The following CLPB variants were observed in gnomAD, a reference collection of about 807,000 sequenced individuals.
CLPB encodes mitochondrial disaggregase.
Under a neutral mutation model 78.4 loss-of-function variants are expected in CLPB, and 40 were observed. The ratio of observed to expected loss-of-function variants is 0.51; its 90% CI spans 0.40 to 0.66. CLPB has a LOEUF of 0.66. CLPB is among the 30% of genes least tolerant of loss of function. The probability of loss-of-function intolerance (pLI) is 0.00; values close to 1 mark genes in which losing one functional copy is unlikely to be tolerated. For synonymous variants in CLPB, 333 were observed against 348.0 expected (o/e 0.96, Z 0.48); for missense variants, 780 against 886.9 (o/e 0.88, Z 1.53).
At position 72,404,377 on chromosome 11, in the gene CLPB, G is replaced by C. The variant is rs191024238; in HGVS notation, c.456-1325C>G. ...GGGTTTGAATCCTAGCACCATTCTT[G>C]TGCCACGATCTATAGTAAATGTCCC... is the stretch of plus-strand genomic sequence containing the variant. On this transcript the variant is annotated intron_variant, in intron 2 of 15. Transcript: ENST00000538039. Among the ~76,000 whole-genome samples the C allele has an allele frequency of 1.8e-4, 28 of 152,316 alleles. 1 individual carries two copies. The highest frequency in any genetic ancestry group is 1.4e-3 in the Admixed American group (21 of 15,314).
At chr11:72,420,686 T>C (rs1448874352) in intron 2 of CLPB, among the ~76,000 whole-genome samples, 1 of 152,158 alleles carries the variant, frequency 6.6e-6, no homozygotes, top group Non-Finnish European at 1.5e-5. Context: ...CAGGGTGCTA[T>C]GGGAATCCAC....
intron 3 of CLPB, among the ~76,000 whole-genome samples, chr11:72,386,203 T>G (rs1402799787): frequency 1.3e-5 from 2 of 152,188 alleles, no homozygotes. Flanking sequence ...CACACTGCTC[T>G]TTCAATTTGC....
intron 5 of CLPB, among the ~76,000 whole-genome samples, chr11:72,337,487 G>A (rs1950343057): frequency 6.6e-6 from 1 of 152,150 alleles, no homozygotes; most frequent in African/African-American, 2.4e-5. Flanking sequence ...CATTTTTTGG[G>A]TATAATGCCT....
At chr11:72,433,978 A>T in intron 1 of CLPB, 94 bp downstream of exon 1, 2 of 1,455,798 alleles carry the variant, frequency 1.4e-6, no homozygotes, top group Non-Finnish European at 9.3e-7. Context: ...GGCTCTAAGG[A>T]TCTAAACCTA....
intron 13 of CLPB, 39 bp from the exon 14 acceptor site, chr11:72,294,483 C>G: frequency 6.2e-7 from 1 of 1,613,250 alleles, no homozygotes; most frequent in African/African-American, 1.3e-5. Flanking sequence ...GCTCAGTGAC[C>G]CAGAGCGGGT....
intron 5 of CLPB, among the ~76,000 whole-genome samples, chr11:72,346,748 T>A (rs1447635117): frequency 6.6e-6 from 1 of 151,766 alleles, no homozygotes; most frequent in South Asian, 2.1e-4. Context: ...GAGGTTGAGA[T>A]GGGTGGATCA....
chr11:72,368,904 T>C lies in CLPB; in HGVS notation c.647-9896A>G, dbSNP rs541052816. On this transcript the variant is annotated intron_variant, in intron 4 of 15. Transcript: ENST00000538039. ...GGACTGGAAGTTTTCTCCTTAGGAA[T>C]AGGACCTCACCTCATTATCACCCCA... Among the ~76,000 whole-genome samples the C allele has an allele frequency of 6.0e-4, 91 of 152,306 alleles. 1 individual carries two copies. In the South Asian group the frequency reaches 0.018, roughly 29 times the overall value.
intron 2 of CLPB, among the ~76,000 whole-genome samples, chr11:72,422,003 C>G (rs1222994232): frequency 6.6e-6 from 1 of 151,092 alleles, no homozygotes; most frequent in Non-Finnish European, 1.5e-5. Context: ...CGTGGTGGCT[C>G]ACGCCTGTAA....
chr11:72,317,378 A>G (rs1590786696), intron 6 of CLPB, among the ~76,000 whole-genome samples, 158 bp from the exon 7 acceptor site: 1 of 151,652 alleles, frequency 6.6e-6, no homozygotes, highest in Non-Finnish European at 1.5e-5. Flanking sequence ...AGCCCTTTCC[A>G]CTCTCCACTC....
In CLPB at chr11:72,434,239, T is replaced by A. The variant is rs1856644038; in HGVS notation, c.236A>T (p.Asp79Val). Residue 79 changes from aspartate to valine, a missense_variant, in exon 1 of 16, where the codon GAT becomes GTT. Coordinates refer to ENST00000538039, the MANE Select transcript of CLPB (RefSeq NM_001258392.3). ...ATGGRQGGRFDTKCLAAATWG... is the reference protein window; with the variant it reads ...ATGGRQGGRFVTKCLAAATWG... Reference sequence around the variant, plus strand: ...AGTGGCAGCCGCGAGGCATTTGGTATCGAAGCGTCCTCCCTGGCGCCCCCC... The same window carrying A: ...AGTGGCAGCCGCGAGGCATTTGGTAACGAAGCGTCCTCCCTGGCGCCCCCC... 1 of 1,613,572 alleles carries A rather than the reference T, an allele frequency of 6.2e-7. No homozygotes were observed. The highest frequency in any genetic ancestry group is 8.5e-7 in the Non-Finnish European group (1 of 1,179,960).
chr11:72,344,938 A>G (rs1377824274), intron 5 of CLPB, among the ~76,000 whole-genome samples: 1 of 152,208 alleles, frequency 6.6e-6, no homozygotes, highest in Non-Finnish European at 1.5e-5. Context: ...TTGATGTTCA[A>G]GTTCACTTAT....
chr11:72,434,230 C>G lies in CLPB; in HGVS notation c.245G>C (p.Cys82Ser). 6.2e-7 allele frequency: 1 copy of G among 1,613,660 alleles called. No homozygotes were observed. Among genetic ancestry groups the G allele is most frequent in the Non-Finnish European group, 8.5e-7 (1 of 1,179,988 alleles). Residue 82 changes from cysteine to serine, a missense_variant, in exon 1 of 16, where the codon TGC (cysteine) becomes TCC (serine). Around this residue, in one of 3 missense-constraint regions of CLPB, gnomAD observed 417 missense variants for 414.7 expected, o/e 1.01. Transcript: ENST00000538039. ...GCGTCCCCAAGTGGCAGCCGCGAGG[C>G]ATTTGGTATCGAAGCGTCCTCCCTG... The part of the protein sequence containing the change: ...GRQGGRFDTK[C>S]LAAATWGRLP...
In CLPB at chr11:72,293,379, G is replaced by A. The variant is rs1565417232; in HGVS notation, c.2022C>T (p.Cys674=). ...AGGCAGGTGGCTGCTAGATGGTGTTGCACACCTTCTCAGGGTGCAGTGGTG... is the reference window on the plus strand; with the variant it reads ...AGGCAGGTGGCTGCTAGATGGTGTTACACACCTTCTCAGGGTGCAGTGGTG... The part of the protein sequence containing the change: ...IRAPLHPEKV[C]NTI Residue 674 remains cysteine (C), a synonymous_variant, in exon 16 of 16, where the codon TGC becomes TGT. Transcript: ENST00000538039. 2 of 1,613,832 alleles carry A rather than the reference G, an allele frequency of 1.2e-6. No individual in the cohort carries two copies. The highest frequency in any genetic ancestry group is 1.7e-5 in the Admixed American group (1 of 60,004).
rs145023550 is a variant in CLPB, at chr11:72,374,394, A to G, written c.646+5887T>C. The stretch of plus-strand genomic sequence containing the variant: ...AATAGAGCTTAGATGAATCATTCAG[A>G]TATCTGGTACTGAAGCCCAATCTTT... On this transcript the variant is annotated intron_variant, in intron 4 of 15. Coordinates refer to ENST00000538039, the MANE Select transcript of CLPB (RefSeq NM_001258392.3). 4.9e-4 allele frequency among the ~76,000 whole-genome samples: 75 copies of G among 152,344 alleles called. No individual in the cohort carries two copies. In the East Asian group the frequency reaches 0.013, roughly 27 times the overall value.
chr11:72,402,550 T>C (rs1855593826), intron 3 of CLPB, among the ~76,000 whole-genome samples: 1 of 152,152 alleles, frequency 6.6e-6, no homozygotes, highest in East Asian at 1.9e-4. Context: ...CCATCTTTCT[T>C]AGTTTCCATC....
At chr11:72,393,810 T>C (rs548385299) in intron 3 of CLPB, among the ~76,000 whole-genome samples, 1 of 152,388 alleles carries the variant, frequency 6.6e-6, no homozygotes, top group African/African-American at 2.4e-5. Context: ...TTTTTAATTG[T>C]TGACCCATAT....
chr11:72,294,752 G>C, intron 12 of CLPB, 59 bp from the exon 13 acceptor site: 1 of 1,417,594 alleles, frequency 7.1e-7, no homozygotes, highest in Non-Finnish European at 1.0e-6. Context: ...TGGGGGCTGT[G>C]CCTGCCCCTT....
intron 2 of CLPB, among the ~76,000 whole-genome samples, chr11:72,411,345 T>C (rs562026362): frequency 1.3e-5 from 2 of 152,360 alleles, no homozygotes; most frequent in African/African-American, 4.8e-5. Context: ...GTCTCAGGGC[T>C]GAGGACATTT....
At chr11:72,330,895 T>C (rs1451684980) in intron 5 of CLPB, among the ~76,000 whole-genome samples, 1 of 152,088 alleles carries the variant, frequency 6.6e-6, no homozygotes. Flanking sequence ...TGCCATAGGA[T>C]AGAATGGGCT....
Sources: allele counts gnomAD v4.1 joint callset (sites outside exome capture counted in the v4.1 genomes callset), GRCh38; gene constraint gnomAD v4.1.1; regional missense constraint gnomAD v4.1.1; transcripts MANE v1.5; gene names NCBI Gene and HGNC (gene_info 2026-07-23, HGNC 2026-07-21).